TSPAN15: variants seen among roughly 807,000 people sequenced by gnomAD.
The protein encoded by TSPAN15 is tetraspanin-15.
A neutral mutation model predicts 34.5 loss-of-function variants in TSPAN15; 20 were observed. That is an observed-to-expected ratio of 0.58 (90% CI 0.41 to 0.84). TSPAN15 has a LOEUF of 0.84. Ranked by LOEUF, TSPAN15 falls within the 40% of genes least tolerant of loss-of-function variation. The pLI, the probability that TSPAN15 is intolerant of heterozygous loss-of-function variation, is 0.00. For synonymous variants in TSPAN15, 155 were observed against 153.9 expected, an observed-to-expected ratio of 1.01 and a Z score of -0.05; for missense variants, 313 against 386.1, an observed-to-expected ratio of 0.81 and a Z score of 1.59.
chr10:69,504,493 C>G lies in TSPAN15; in HGVS notation c.618+8C>G, dbSNP rs923937590. 8.1e-6 allele frequency: 13 copies of G among 1,613,810 alleles called. No individual in the cohort carries two copies. In the Admixed American group the frequency reaches 1.8e-4, roughly 23 times the overall value. On this transcript the variant is annotated splice_region_variant and intron_variant, in intron 6 of 7. Transcript: ENST00000373290. The stretch of plus-strand genomic sequence containing the variant: ...AAAACTATCGACAAGGAGGTAATGT[C>G]TTTGAAATGCCTTTCCCTGGAAATG...
chr10:69,500,725 C>T (rs1842187589), intron 5 of TSPAN15, among the ~76,000 whole-genome samples: 1 of 152,220 alleles, frequency 6.6e-6, no homozygotes, highest in African/African-American at 2.4e-5. Context: ...TTTACTTAGT[C>T]TGCTGATTTA....
intron 5 of TSPAN15, among the ~76,000 whole-genome samples, chr10:69,501,643 G>A (rs1177881740): frequency 6.6e-6 from 1 of 152,214 alleles, no homozygotes; most frequent in Non-Finnish European, 1.5e-5. Flanking sequence ...TGCTATCTAA[G>A]CCTCAGGACC....
chr10:69,457,296 T>C (rs1281907280), intron 1 of TSPAN15, among the ~76,000 whole-genome samples: 2 of 152,168 alleles, frequency 1.3e-5, no homozygotes, highest in African/African-American at 4.8e-5. Context: ...TGAGTCCCAC[T>C]TGTACCTACA....
intron 1 of TSPAN15, among the ~76,000 whole-genome samples, chr10:69,463,345 G>A (rs1380686607): frequency 6.6e-6 from 1 of 152,172 alleles, no homozygotes; most frequent in Non-Finnish European, 1.5e-5. Context: ...AGGTGTGGCA[G>A]GTGGTGGTCT....
chr10:69,483,918 G>A, intron 2 of TSPAN15, 42 bp downstream of exon 2: 1 of 1,584,070 alleles, frequency 6.3e-7, no homozygotes, highest in Non-Finnish European at 8.6e-7. Context: ...CTCCCCAGGA[G>A]AGCTGGGGCG....
chr10:69,481,276 G>A (rs1203585745), intron 1 of TSPAN15, among the ~76,000 whole-genome samples: 2 of 152,178 alleles, frequency 1.3e-5, no homozygotes, highest in Admixed American at 6.5e-5. Flanking sequence ...TTGAGTCCCT[G>A]CCGGCCTGTG....
chr10:69,523,512 C>CT, the TSPAN15 span: 1 of 480,652 alleles, frequency 2.1e-6, no homozygotes, highest in Non-Finnish European at 4.0e-6. Flanking sequence ...AGAAGTGGTA[C>CT]TTGTTGGCCT....
Position 69,506,059 on chromosome 10 carries a change from G to A in TSPAN15, c.619-65G>A, listed in dbSNP as rs1842318595. 1.4e-6 allele frequency: 2 copies of A among 1,398,496 alleles called. No individual in the cohort carries two copies. Among genetic ancestry groups the A allele is most frequent in the Non-Finnish European group, 2.0e-6 (2 of 992,234 alleles). The allele number at this position is 1,398,496 out of a possible 1,614,324, so 86.6% of individuals were successfully genotyped here. A position where few individuals can be genotyped will look rare whatever the true frequency, so the allele number is the denominator to read the frequency against. On this transcript the variant is annotated intron_variant, in intron 6 of 7. Coordinates refer to ENST00000373290, the MANE Select transcript of TSPAN15 (RefSeq NM_012339.5). The surrounding 1 kb of genome is among the most constrained non-coding windows in gnomAD (Gnocchi z 4.7). ...GCCTGGACCTTGTGTACATGGCAGA[G>A]TCGGGGCTGTGGCTCCTGCCAGCCG...
chr10:69,495,976 A>C (rs1286289138), intron 4 of TSPAN15, among the ~76,000 whole-genome samples: 2 of 151,976 alleles, frequency 1.3e-5, no homozygotes, highest in Non-Finnish European at 2.9e-5. Flanking sequence ...CCCCAAATAA[A>C]ACAAAGTCAG....
chr10:69,498,441 A>G (rs764539562), intron 5 of TSPAN15, 45 bp downstream of exon 5: 1 of 1,508,786 alleles, frequency 6.6e-7, no homozygotes, highest in South Asian at 1.1e-5. Context: ...CGGGGACCCC[A>G]GGTGGTATAA....
intron 5 of TSPAN15, among the ~76,000 whole-genome samples, chr10:69,498,873 G>T (rs1267368007): frequency 1.3e-5 from 2 of 152,166 alleles, no homozygotes; most frequent in East Asian, 3.9e-4. Context: ...AGGGAGAGGT[G>T]CCCAGGCCAG....
chr10:69,524,520 A>G, the TSPAN15 span, among the ~76,000 whole-genome samples: 12 of 147,490 alleles, frequency 8.1e-5, 2 homozygotes, highest in Admixed American at 2.8e-4. Context: ...ACCCATTTCT[A>G]GAAAAACTCC....
chr10:69,455,575 T>C lies in TSPAN15; in HGVS notation c.96+3885T>C, dbSNP rs1461199627. ...TCTCTCTCTCTTTCTTTCTTTCTCT[T>C]TTCTTTCTTTCTTTCTCTTTCTTTC... On this transcript the variant is annotated intron_variant, in intron 1 of 7. Transcript: ENST00000373290. Among the ~76,000 whole-genome samples, 406 of 109,444 alleles carry C rather than the reference T, an allele frequency of 3.7e-3. 2 individuals are homozygous for C. Among genetic ancestry groups the C allele is most frequent in the Non-Finnish European group, 5.2e-3 (270 of 52,104 alleles). The allele number at this position is 109,444 out of a possible 152,430, so 71.8% of individuals were successfully genotyped here. A position where few individuals can be genotyped will look rare whatever the true frequency, so the allele number is the denominator to read the frequency against.
intron 2 of TSPAN15, among the ~76,000 whole-genome samples, chr10:69,484,688 C>CT (rs1841811568): frequency 6.6e-6 from 1 of 152,154 alleles, no homozygotes; most frequent in Non-Finnish European, 1.5e-5. Flanking sequence ...TGCATATCCT[C>CT]TAAGCTTCAG....
At chr10:69,520,848 G>GTT in the TSPAN15 span, among the ~76,000 whole-genome samples, 1 of 152,194 alleles carries the variant, frequency 6.6e-6, no homozygotes, top group South Asian at 2.1e-4. Flanking sequence ...TAGAAGTGGA[G>GTT]TTGCTGGTCA....
At chr10:69,521,770 C>T in the TSPAN15 span, among the ~76,000 whole-genome samples, 1 of 147,400 alleles carries the variant, frequency 6.8e-6, no homozygotes, top group Non-Finnish European at 1.5e-5. Context: ...GCTTCTCAGG[C>T]CTTCAGACTC....
At chr10:69,516,891 G>A in the TSPAN15 span, among the ~76,000 whole-genome samples, 2 of 152,142 alleles carry the variant, frequency 1.3e-5, no homozygotes, top group Admixed American at 1.3e-4. Flanking sequence ...CACTAAGCAG[G>A]TGCCAACCCA....
At chr10:69,524,765 T>TTA in the TSPAN15 span, among the ~76,000 whole-genome samples, 112 of 134,016 alleles carry the variant, frequency 8.4e-4, 4 homozygotes, top group Middle Eastern at 3.8e-3. Context: ...AATAACAAGA[T>TTA]TATATATATA....
chr10:69,505,578 T>C (rs1264004810), intron 6 of TSPAN15, among the ~76,000 whole-genome samples: 1 of 152,072 alleles, frequency 6.6e-6, no homozygotes, highest in African/African-American at 2.4e-5. Context: ...TTTTTTTTTT[T>C]TTTTCCCTTA....
Sources: allele counts gnomAD v4.1 joint callset (sites outside exome capture counted in the v4.1 genomes callset), GRCh38; gene constraint gnomAD v4.1.1; non-coding constraint Gnocchi (gnomAD v3.1); transcripts MANE v1.5; gene names NCBI Gene and HGNC (gene_info 2026-07-23, HGNC 2026-07-21).